Variants in CLIC6 observed in about 807,000 individuals in gnomAD.
CLIC6 encodes CLIC family member 6, also known as chloride intracellular channel protein 6.
CLIC6 carries 39 observed loss-of-function variants against 49.2 expected under a neutral mutation model. The ratio of observed to expected loss-of-function variants is 0.79; its 90% CI spans 0.61 to 1.04. The LOEUF is 1.04. CLIC6 is among the 50% of genes least tolerant of loss of function. The pLI is 0.00. For synonymous variants in CLIC6, 446 were observed against 433.4 expected, an observed-to-expected ratio of 1.03 and a Z score of -0.36; for missense variants, 988 against 993.1, an observed-to-expected ratio of 0.99 and a Z score of 0.07.
chr21:34,702,766 G>T (rs2055989040), intron 1 of CLIC6, among the ~76,000 whole-genome samples: 1 of 152,196 alleles, frequency 6.6e-6, no homozygotes, highest in South Asian at 2.1e-4. Flanking sequence ...AAGTGTGTGG[G>T]TGGGACTGGG....
rs1568974414 is a variant in CLIC6, at chr21:34,716,866, A to AT, written c.*384_*385insT. The AT allele has an allele frequency of 7.1e-5, 7 of 99,222 alleles. No homozygotes were observed. Among genetic ancestry groups the AT allele is most frequent in the South Asian group, 3.5e-4 (1 of 2,882 alleles). 6.1% of individuals were successfully genotyped at this position (99,222 alleles called of 1,614,324 possible). A position where few individuals can be genotyped will look rare whatever the true frequency, so the allele number is the denominator to read the frequency against. On this transcript the variant is annotated 3_prime_UTR_variant, in exon 6 of 6. Coordinates refer to ENST00000349499, the MANE Select transcript of CLIC6 (RefSeq NM_053277.3). ...CTCTCTCTCTCTCTCTCTCTATCAC[A>AT]CACACACACACACACACACACACAC...
chr21:34,673,894 T>G lies in CLIC6; in HGVS notation c.1374+3132T>G, dbSNP rs148862293. 4.9e-3 allele frequency among the ~76,000 whole-genome samples: 745 copies of G among 152,294 alleles called. 2 individuals are homozygous for G. The highest frequency in any genetic ancestry group is 0.01 in the Admixed American group (154 of 15,296). ...TGGGCTCAGTTTTGTCTGGGTTCTA[T>G]TCTACAGTGGACACCTGAGCTGGGT... On this transcript the variant is annotated intron_variant, in intron 1 of 5. Coordinates refer to ENST00000349499, the MANE Select transcript of CLIC6 (RefSeq NM_053277.3).
chr21:34,685,663 A>G (rs1989863257), intron 1 of CLIC6, among the ~76,000 whole-genome samples: 1 of 152,234 alleles, frequency 6.6e-6, no homozygotes, highest in Non-Finnish European at 1.5e-5. Context: ...CTCCAAACAG[A>G]GAATCCAGTG....
chr21:34,702,882 C>T (rs1406840475), intron 1 of CLIC6, among the ~76,000 whole-genome samples: 1 of 152,182 alleles, frequency 6.6e-6, no homozygotes, highest in Admixed American at 6.5e-5. Context: ...GTCTTCTGGC[C>T]CCTTTGTTCC....
At chr21:34,685,365 C>T (rs1371394978) in intron 1 of CLIC6, among the ~76,000 whole-genome samples, 1 of 152,198 alleles carries the variant, frequency 6.6e-6, no homozygotes, top group Non-Finnish European at 1.5e-5. Flanking sequence ...GTCGGCACAT[C>T]ACAGCCATCA....
At chr21:34,689,523 C>T (rs1042172210) in intron 1 of CLIC6, among the ~76,000 whole-genome samples, 1 of 151,898 alleles carries the variant, frequency 6.6e-6, no homozygotes, top group Non-Finnish European at 1.5e-5. Flanking sequence ...TGCTCATTCT[C>T]ATTGCAAGTC....
At chr21:34,697,624 A>G (rs944182091) in intron 1 of CLIC6, among the ~76,000 whole-genome samples, 1 of 152,250 alleles carries the variant, frequency 6.6e-6, no homozygotes, top group African/African-American at 2.4e-5. Flanking sequence ...ATCTGGGCAG[A>G]CAATAGGGTG....
At chr21:34,685,338 T>A (rs1377092539) in intron 1 of CLIC6, among the ~76,000 whole-genome samples, 1 of 152,208 alleles carries the variant, frequency 6.6e-6, no homozygotes, top group East Asian at 1.9e-4. Flanking sequence ...GTGAAGGCCA[T>A]ATGGCCTGTC....
At chr21:34,683,069 C>T (rs1989812498) in intron 1 of CLIC6, among the ~76,000 whole-genome samples, 1 of 151,880 alleles carries the variant, frequency 6.6e-6, no homozygotes, top group African/African-American at 2.4e-5. Flanking sequence ...TCTCGGCCTC[C>T]CAAAGTGCTA....
At chr21:34,705,478 T>C (rs1045231323) in intron 1 of CLIC6, among the ~76,000 whole-genome samples, 1 of 152,162 alleles carries the variant, frequency 6.6e-6, no homozygotes, top group Non-Finnish European at 1.5e-5. Flanking sequence ...CTTGGATGTA[T>C]GTGTCATAAC....
chr21:34,716,404 A>G lies in CLIC6; in HGVS notation c.1983A>G (p.Arg661=). The change falls in exon 6 of 6, where the codon AGA becomes AGG. Residue 661 remains arginine (R), a synonymous_variant. Transcript: ENST00000349499. The part of the protein sequence containing the change: ...IWRYLNNAYA[R]DEFTNTCPAD... ...GATACTTGAATAATGCTTATGCTAG[A>G]GATGAGTTCACAAATACGTGTCCAG... is the stretch of plus-strand genomic sequence containing the variant. The G allele has an allele frequency of 1.2e-6, 2 of 1,613,892 alleles. No homozygotes were observed. The highest frequency in any genetic ancestry group is 1.7e-6 in the Non-Finnish European group (2 of 1,179,754).
At chr21:34,694,135 A>ATTTTTTTTTTTTTTTTTTTTT (rs57210806) in intron 1 of CLIC6, among the ~76,000 whole-genome samples, 5 of 128,418 alleles carry the variant, frequency 3.9e-5, no homozygotes, top group African/African-American at 1.6e-4. Context: ...CGCCTGGTTA[A>ATTTTTTTTTTTTTTTTTTTTT]TTTTTTTTTT....
At chr21:34,683,906 C>A (rs1989826402) in intron 1 of CLIC6, among the ~76,000 whole-genome samples, 1 of 152,182 alleles carries the variant, frequency 6.6e-6, no homozygotes, top group Admixed American at 6.5e-5. Flanking sequence ...AACTGAAATG[C>A]TCAAATATCA....
intron 5 of CLIC6, among the ~76,000 whole-genome samples, chr21:34,713,573 A>C (rs1011149664): frequency 9.2e-5 from 14 of 152,220 alleles, no homozygotes; most frequent in Admixed American, 6.5e-5. Context: ...CAAGCCTGAG[A>C]AAAATCATCT....
At chr21:34,704,087 G>C (rs772643702) in intron 1 of CLIC6, among the ~76,000 whole-genome samples, 1 of 152,158 alleles carries the variant, frequency 6.6e-6, no homozygotes, top group Non-Finnish European at 1.5e-5. Context: ...TAGCCTGAGA[G>C]AGTTATCAGC....
At chr21:34,670,872 T>A in intron 1 of CLIC6, 110 bp downstream of exon 1, 1 of 1,222,928 alleles carries the variant, frequency 8.2e-7, no homozygotes, top group Non-Finnish European at 1.1e-6. Context: ...GTATCCTGAT[T>A]GTCATCAGGC....
intron 1 of CLIC6, among the ~76,000 whole-genome samples, chr21:34,698,664 G>A (rs1413581967): frequency 6.6e-6 from 1 of 152,200 alleles, no homozygotes; most frequent in Non-Finnish European, 1.5e-5. Flanking sequence ...GCACTAAGAG[G>A]TAGGTACTAT....
At chr21:34,688,371 C>A (rs546622893) in intron 1 of CLIC6, among the ~76,000 whole-genome samples, 136 of 152,306 alleles carry the variant, frequency 8.9e-4, no homozygotes, top group African/African-American at 3.2e-3. Context: ...CACTAGAGCG[C>A]AGGCGAGGGA....
chr21:34,691,415 G>A (rs1012245250), intron 1 of CLIC6, among the ~76,000 whole-genome samples: 13 of 152,040 alleles, frequency 8.6e-5, no homozygotes, highest in African/African-American at 4.8e-5. Flanking sequence ...TACATAATAT[G>A]ATTTTTATGC....
Sources: allele counts gnomAD v4.1 joint callset (sites outside exome capture counted in the v4.1 genomes callset), GRCh38; gene constraint gnomAD v4.1.1; transcripts MANE v1.5; gene names NCBI Gene and HGNC (gene_info 2026-07-23, HGNC 2026-07-21).